The following CACNA1A variants were observed in gnomAD, a reference collection of about 807,000 sequenced individuals.
CACNA1A encodes voltage-dependent P/Q-type calcium channel subunit alpha-1A.
Under a neutral mutation model 262.4 loss-of-function variants are expected in CACNA1A, and 57 were observed. The observed-to-expected ratio is 0.22, with a 90% CI of 0.18 to 0.27. The LOEUF is 0.27. Ranked by LOEUF, CACNA1A falls within the 10% of genes least tolerant of loss-of-function variation. The probability of loss-of-function intolerance (pLI) is 1.00; values close to 1 mark genes in which losing one functional copy is unlikely to be tolerated. For missense variants in CACNA1A, 2,526 were observed against 3,562.8 expected, an observed-to-expected ratio of 0.71 and a Z score of 7.41; for synonymous variants, 1,431 against 1,419.3, an observed-to-expected ratio of 1.01 and a Z score of -0.18.
At chr19:13,227,369 G>GA (rs869158326) in intron 37 of CACNA1A, 62 bp downstream of exon 37, 2 of 62,864 alleles carry the variant, frequency 3.2e-5, no homozygotes, top group African/African-American at 1.5e-4. Flanking sequence ...TAAAAAAAAA[G>GA]AAGAAGAAGA....
intron 12 of CACNA1A, among the ~76,000 whole-genome samples, chr19:13,311,746 A>G (rs2058039444): frequency 6.6e-6 from 1 of 152,192 alleles, no homozygotes; most frequent in Non-Finnish European, 1.5e-5. Flanking sequence ...CTGAGGCAGG[A>G]GAATGGAGTG....
At chr19:13,464,062 A>G (rs188465581) in intron 1 of CACNA1A, among the ~76,000 whole-genome samples, 29 of 152,278 alleles carry the variant, frequency 1.9e-4, no homozygotes, top group Admixed American at 1.6e-3. Context: ...TGAGTGTTTT[A>G]TATTGTTTAT....
intron 1 of CACNA1A, among the ~76,000 whole-genome samples, chr19:13,458,995 T>C (rs2061066707): frequency 6.6e-6 from 1 of 152,168 alleles, no homozygotes; most frequent in Admixed American, 6.5e-5. Context: ...GTCTGGGCAC[T>C]GCAGCATGTT....
intron 3 of CACNA1A, among the ~76,000 whole-genome samples, chr19:13,376,825 T>G (rs1462191643): frequency 1.3e-5 from 1 of 79,342 alleles, no homozygotes; most frequent in Non-Finnish European, 3.1e-5. Flanking sequence ...GTGTGATATA[T>G]AACACATGTT....
intron 6 of CACNA1A, among the ~76,000 whole-genome samples, chr19:13,352,258 T>A (rs995141139): frequency 5.9e-5 from 9 of 152,012 alleles, no homozygotes; most frequent in Non-Finnish European, 8.8e-5. Context: ...ATACAAAAAA[T>A]TAGCTGACCA....
At chr19:13,427,861 C>T (rs1279853668) in intron 3 of CACNA1A, among the ~76,000 whole-genome samples, 3 of 152,206 alleles carry the variant, frequency 2.0e-5, no homozygotes, top group Non-Finnish European at 2.9e-5. Context: ...CTCTACCACT[C>T]CGTAGCTGTG....
intron 3 of CACNA1A, among the ~76,000 whole-genome samples, chr19:13,426,084 T>A (rs2060397577): frequency 6.6e-6 from 1 of 151,408 alleles, no homozygotes; most frequent in Admixed American, 6.6e-5. Flanking sequence ...AAAAATAGTG[T>A]CCCATGGAAA....
rs1425769733 is a variant in CACNA1A, at chr19:13,235,105, C to T, written c.5134-69G>A. 3.9e-6 allele frequency: 6 copies of T among 1,538,148 alleles called. No individual in the cohort carries two copies. The Admixed American group carries it at 5.0e-5, about 13-fold the overall frequency. On this transcript the variant is annotated intron_variant, in intron 33 of 46. Transcript: ENST00000360228. ...GTGGCTTCTGGGAAACCCAGCTCAA[C>T]CTCCATGGCTGCTTCTGTGAACCAG...
At position 13,241,629 on chromosome 19, in the gene CACNA1A, C is replaced by G. The variant is rs772700003; in HGVS notation, c.4950+3553G>C. ...TGATTTGTAACCAGTGCCAAAAAAC[C>G]AATGGGTTTCGGTTCCCGGGCGGGG... On this transcript the variant is annotated intron_variant, in intron 31 of 46. Transcript: ENST00000360228. This position sits in a 1 kb window ranked among gnomAD's most constrained non-coding sequence, Gnocchi z 4.0. The G allele has an allele frequency of 1.5e-6, 1 of 647,792 alleles. No individual in the cohort carries two copies. Among genetic ancestry groups the G allele is most frequent in the Non-Finnish European group, 2.8e-6 (1 of 359,584 alleles). 40.1% of individuals were successfully genotyped at this position (647,792 alleles called of 1,614,324 possible).
chr19:13,287,663 G>A (rs1003101108), intron 19 of CACNA1A, among the ~76,000 whole-genome samples: 7 of 151,740 alleles, frequency 4.6e-5, no homozygotes, highest in African/African-American at 1.2e-4. Context: ...CACTACGACC[G>A]GCTAATTTTT....
At chr19:13,291,103 C>T (rs1006989443) in intron 19 of CACNA1A, among the ~76,000 whole-genome samples, 4 of 152,078 alleles carry the variant, frequency 2.6e-5, no homozygotes, top group African/African-American at 9.7e-5. Context: ...TGAAGCTGCA[C>T]CCCTACCCCC....
chr19:13,385,230 C>T (rs7256833), intron 3 of CACNA1A, among the ~76,000 whole-genome samples: 73,934 of 139,412 alleles, frequency 0.53, 19,478 homozygotes, highest in Middle Eastern at 0.62. Context: ...TTCTTTCTTT[C>T]TTTTTTTTTT....
chr19:13,475,489 T>C (rs188573434), intron 1 of CACNA1A, among the ~76,000 whole-genome samples: 2 of 152,322 alleles, frequency 1.3e-5, no homozygotes, highest in African/African-American at 4.8e-5. Context: ...CACATTTCAT[T>C]GATGAAACCA....
chr19:13,252,863 G>A, intron 30 of CACNA1A, 128 bp downstream of exon 30: 1 of 584,752 alleles, frequency 1.7e-6, no homozygotes. Flanking sequence ...GTGGCCACTG[G>A]CAGGATACTG....
chr19:13,225,065 C>T (rs1357362360), intron 37 of CACNA1A: 2 of 318,924 alleles, frequency 6.3e-6, no homozygotes, highest in Middle Eastern at 9.4e-4. Context: ...GCCCCACCCC[C>T]GCCCTGCCCC....
At chr19:13,350,346 C>T (rs2058884509) in intron 6 of CACNA1A, among the ~76,000 whole-genome samples, 1 of 152,164 alleles carries the variant, frequency 6.6e-6, no homozygotes, top group African/African-American at 2.4e-5. Flanking sequence ...GGTTTTCTAG[C>T]CACAGTGACT....
intron 5 of CACNA1A, chr19:13,364,811 T>A (rs1319165650): frequency 6.6e-6 from 1 of 152,258 alleles, no homozygotes; most frequent in African/African-American, 2.4e-5. Context: ...AGCTAATTTT[T>A]GTATTTTTTA....
intron 3 of CACNA1A, among the ~76,000 whole-genome samples, chr19:13,396,945 T>C (rs117525087): frequency 6.6e-6 from 1 of 152,348 alleles, no homozygotes; most frequent in Non-Finnish European, 1.5e-5. Context: ...TGCACAGCTC[T>C]GCCTCCACTG....
chr19:13,432,967 T>G (rs568295793), intron 3 of CACNA1A, among the ~76,000 whole-genome samples: 49 of 151,930 alleles, frequency 3.2e-4, no homozygotes, highest in African/African-American at 1.2e-3. Flanking sequence ...GAGACCAGCT[T>G]GGGCAACATA....
Sources: gnomAD v4.1 joint callset for allele counts (sites outside exome capture counted in the v4.1 genomes callset) on GRCh38, gnomAD v4.1.1 for gene constraint, Gnocchi (gnomAD v3.1) non-coding constraint, MANE v1.5 for transcripts, NCBI Gene and HGNC (gene_info 2026-07-23, HGNC 2026-07-21) for gene names.